Variants in CACHD1 observed in about 807,000 individuals in gnomAD.
CACHD1 encodes cache domain containing 1.
A neutral mutation model predicts 138.7 loss-of-function variants in CACHD1; 71 were observed. The observed-to-expected ratio is 0.51, with a 90% CI of 0.42 to 0.62. The LOEUF is 0.62. CACHD1 is among the 20% of genes least tolerant of loss of function. The pLI, the probability that CACHD1 is intolerant of heterozygous loss-of-function variation, is 0.00. For synonymous variants in CACHD1, 578 were observed against 591.5 expected (o/e 0.98, Z 0.33); for missense variants, 1,389 against 1,625.3 (o/e 0.85, Z 2.50).
At chr1:64,507,366 T>C (rs1030955343) in intron 1 of CACHD1, among the ~76,000 whole-genome samples, 29 of 152,246 alleles carry the variant, frequency 1.9e-4, no homozygotes, top group African/African-American at 6.8e-4. Flanking sequence ...CATCTTTGCT[T>C]TGTCCTTGAG....
chr1:64,638,931 G>A, intron 7 of CACHD1, among the ~76,000 whole-genome samples: 1 of 152,150 alleles, frequency 6.6e-6, no homozygotes, highest in Non-Finnish European at 1.5e-5. Flanking sequence ...GGAGTCAGGG[G>A]TTGGACAGAG....
At chr1:64,665,350 C>T (rs1649594657) in intron 15 of CACHD1, among the ~76,000 whole-genome samples, 1 of 151,980 alleles carries the variant, frequency 6.6e-6, no homozygotes, top group Non-Finnish European at 1.5e-5. Context: ...GTCCCAGCTA[C>T]TCAGGAGGCT....
At chr1:64,480,269 T>A (rs1191755203) in intron 1 of CACHD1, among the ~76,000 whole-genome samples, 1 of 152,192 alleles carries the variant, frequency 6.6e-6, no homozygotes, top group Non-Finnish European at 1.5e-5. Flanking sequence ...AGGAAGTGGC[T>A]CTCTGGAGAG....
intron 2 of CACHD1, among the ~76,000 whole-genome samples, chr1:64,556,996 G>A (rs957224075): frequency 2.0e-5 from 3 of 152,118 alleles, no homozygotes; most frequent in African/African-American, 4.8e-5. Flanking sequence ...GCGGGCGCCT[G>A]TAGTCCCAGC....
intron 19 of CACHD1, among the ~76,000 whole-genome samples, chr1:64,674,450 A>G (rs1303840419): frequency 6.6e-6 from 1 of 152,254 alleles, no homozygotes; most frequent in Admixed American, 6.5e-5. Context: ...CAGGATACTC[A>G]GGTAGATACT....
intron 17 of CACHD1, among the ~76,000 whole-genome samples, chr1:64,672,772 T>G (rs1183744739): frequency 6.6e-6 from 1 of 152,192 alleles, no homozygotes; most frequent in Non-Finnish European, 1.5e-5. Context: ...ACTTCAAATC[T>G]GTCAGTAGAA....
chr1:64,646,263 G>A (rs1648898528), intron 8 of CACHD1, among the ~76,000 whole-genome samples: 1 of 152,120 alleles, frequency 6.6e-6, no homozygotes, highest in South Asian at 2.1e-4. Context: ...CGTGTCTTTG[G>A]TGTTAACTTT....
intron 3 of CACHD1, among the ~76,000 whole-genome samples, chr1:64,594,168 C>T (rs555467264): frequency 1.6e-4 from 24 of 151,294 alleles, no homozygotes; most frequent in Non-Finnish European, 3.4e-4. Context: ...GTAAGAGAAT[C>T]GCTTGAACTC....
intron 1 of CACHD1, among the ~76,000 whole-genome samples, chr1:64,510,041 C>T (rs1234986130): frequency 1.3e-5 from 2 of 152,134 alleles, no homozygotes; most frequent in African/African-American, 4.8e-5. Context: ...ATAAAACCTA[C>T]ATTTAGGATG....
At chr1:64,673,134 G>T in intron 17 of CACHD1, 24 bp from the exon 18 acceptor site, 1 of 1,564,038 alleles carries the variant, frequency 6.4e-7, no homozygotes, top group Non-Finnish European at 8.8e-7. Flanking sequence ...ATATGAATGA[G>T]GGGCATAACT....
At chr1:64,677,133 C>G in intron 22 of CACHD1, 122 bp downstream of exon 22, 1 of 747,322 alleles carries the variant, frequency 1.3e-6, no homozygotes, top group Non-Finnish European at 2.2e-6. Flanking sequence ...AGCCTTTACC[C>G]ACCAGATTAA....
intron 24 of CACHD1, 54 bp from the exon 25 acceptor site, chr1:64,681,204 G>T: frequency 3.0e-6 from 4 of 1,337,830 alleles, no homozygotes; most frequent in Non-Finnish European, 4.3e-6. Context: ...GTATTAAAGC[G>T]GGTGATTTTG....
At chr1:64,553,247 C>G (rs1646773268) in intron 2 of CACHD1, among the ~76,000 whole-genome samples, 1 of 152,116 alleles carries the variant, frequency 6.6e-6, no homozygotes, top group South Asian at 2.1e-4. Flanking sequence ...GATGGTTCTC[C>G]CATGGGTTGA....
At chr1:64,562,141 A>T (rs921826752) in intron 2 of CACHD1, among the ~76,000 whole-genome samples, 3 of 152,044 alleles carry the variant, frequency 2.0e-5, no homozygotes, top group African/African-American at 7.2e-5. Context: ...ATAATGGTTT[A>T]AATATTGATT....
intron 3 of CACHD1, among the ~76,000 whole-genome samples, chr1:64,592,169 T>C (rs1647111644): frequency 6.6e-6 from 1 of 152,260 alleles, no homozygotes; most frequent in African/African-American, 2.4e-5. Flanking sequence ...TGTTTGATAT[T>C]GATTTAGTTA....
intron 2 of CACHD1, among the ~76,000 whole-genome samples, chr1:64,573,823 G>A (rs1460161366): frequency 6.6e-6 from 1 of 151,946 alleles, no homozygotes; most frequent in African/African-American, 2.4e-5. Context: ...AAATAGCATA[G>A]GGTGATTACC....
At chr1:64,606,089 C>G (rs1458512247) in intron 4 of CACHD1, among the ~76,000 whole-genome samples, 1 of 123,980 alleles carries the variant, frequency 8.1e-6, no homozygotes, top group Non-Finnish European at 1.8e-5. Flanking sequence ...CTCTTTTGTT[C>G]TAGGTCAGGA....
intron 1 of CACHD1, among the ~76,000 whole-genome samples, chr1:64,543,833 TA>T (rs1257195587): frequency 6.7e-6 from 1 of 149,446 alleles, no homozygotes; most frequent in Admixed American, 6.7e-5. Context: ...TTAAAATACT[TA>T]AATTAGGTTT....
In CACHD1 at chr1:64,671,485, A is replaced by G. The variant is rs1357250719; in HGVS notation, c.2388-79A>G. 1.9e-5 allele frequency: 29 copies of G among 1,490,748 alleles called. 1 individual carries two copies. In the East Asian group the frequency reaches 5.9e-4, roughly 30 times the overall value. The allele number at this position is 1,490,748 out of a possible 1,614,324, so 92.3% of individuals were successfully genotyped here. On this transcript the variant is annotated intron_variant, in intron 16 of 26. Coordinates refer to ENST00000651257, the MANE Select transcript of CACHD1 (RefSeq NM_020925.4). ...TGGGAAGGTATTTCTAATACCAAAC[A>G]ATGTCCCTGTGACTGAACATAGCTT...
Sources: allele counts gnomAD v4.1 joint callset (sites outside exome capture counted in the v4.1 genomes callset), GRCh38; gene constraint gnomAD v4.1.1; transcripts MANE v1.5; gene names NCBI Gene and HGNC (gene_info 2026-07-23, HGNC 2026-07-21).